The following PHACTR1 variants were observed in gnomAD, a reference collection of about 807,000 sequenced individuals.
PHACTR1 encodes phosphatase and actin regulator 1.
A neutral mutation model predicts 69.2 loss-of-function variants in PHACTR1; 16 were observed. That is an observed-to-expected ratio of 0.23 (90% confidence interval 0.16 to 0.35). The LOEUF (loss-of-function observed/expected upper bound fraction) is 0.35, where lower values mean the gene tolerates loss of function less well. PHACTR1 is among the 10% of genes least tolerant of loss of function. PHACTR1 has a pLI of 1.00. For missense variants in PHACTR1, 510 were observed against 734.7 expected (o/e 0.69, Z 3.54); for synonymous variants, 312 against 284.5 (o/e 1.10, Z -0.97).
chr6:12,932,938 T>C (rs1029857113), intron 4 of PHACTR1, among the ~76,000 whole-genome samples: 1 of 142,174 alleles, frequency 7.0e-6, no homozygotes, highest in East Asian at 1.9e-4. Context: ...CCAAATCTTT[T>C]TTTTTTTTTT....
At chr6:13,073,407 A>C (rs1298789664) in intron 5 of PHACTR1, among the ~76,000 whole-genome samples, 4 of 125,474 alleles carry the variant, frequency 3.2e-5, no homozygotes, top group Non-Finnish European at 6.3e-5. Flanking sequence ...GCAGTGGTAC[A>C]ATCTTGGCTC....
chr6:13,034,109 T>TG (rs1491229953), intron 4 of PHACTR1, among the ~76,000 whole-genome samples: 2 of 151,730 alleles, frequency 1.3e-5, no homozygotes, highest in South Asian at 2.1e-4. Flanking sequence ...CTCCGCCCCC[T>TG]GGGGTTCACG....
chr6:13,263,567 A>G (rs1776219103), intron 10 of PHACTR1, among the ~76,000 whole-genome samples: 1 of 152,210 alleles, frequency 6.6e-6, no homozygotes, highest in Non-Finnish European at 1.5e-5. Flanking sequence ...TATAGTAGCA[A>G]AGCTACTTAA....
intron 4 of PHACTR1, among the ~76,000 whole-genome samples, chr6:12,925,411 C>T (rs1225240310): frequency 6.6e-6 from 1 of 152,182 alleles, no homozygotes; most frequent in Non-Finnish European, 1.5e-5. Context: ...TTTCATATGA[C>T]ATACACACAA....
chr6:12,951,674 G>C (rs920975126), intron 4 of PHACTR1, among the ~76,000 whole-genome samples: 3 of 152,224 alleles, frequency 2.0e-5, no homozygotes, highest in Admixed American at 2.0e-4. Flanking sequence ...GGCTTTTTCA[G>C]AAATCAGCTT....
intron 4 of PHACTR1, among the ~76,000 whole-genome samples, chr6:13,046,348 G>A (rs74381331): frequency 3.9e-5 from 6 of 152,282 alleles, no homozygotes; most frequent in Non-Finnish European, 8.8e-5. Context: ...TTAGTTAAAT[G>A]TTGCTGTCTC....
chr6:13,141,915 G>A (rs1009673290), intron 5 of PHACTR1, among the ~76,000 whole-genome samples: 1 of 152,010 alleles, frequency 6.6e-6, no homozygotes, highest in East Asian at 1.9e-4. Flanking sequence ...TGAGGATAAT[G>A]GATATTTTCC....
rs527552667 is a variant in PHACTR1, at chr6:12,914,016, T to C, written c.251-139349T>C. ...AAGGAGTCTTGCTGTGTTGCCAGGCTGGAGTGCAGTGGCGCAATTTCAGCT... is the reference window on the plus strand; with the variant it reads ...AAGGAGTCTTGCTGTGTTGCCAGGCCGGAGTGCAGTGGCGCAATTTCAGCT... On this transcript the variant is annotated intron_variant, in intron 4 of 14. Coordinates refer to ENST00000332995, the MANE Select transcript of PHACTR1 (RefSeq NM_030948.6). 6.6e-5 allele frequency among the ~76,000 whole-genome samples: 10 copies of C among 152,358 alleles called. No individual in the cohort carries two copies. In the South Asian group the frequency reaches 8.3e-4, roughly 13 times the overall value.
At chr6:12,833,664 G>A (rs554811544) in intron 4 of PHACTR1, among the ~76,000 whole-genome samples, 2 of 152,212 alleles carry the variant, frequency 1.3e-5, no homozygotes, top group East Asian at 3.9e-4. Flanking sequence ...GTTATTTACT[G>A]GTCTCCTGCT....
intron 4 of PHACTR1, among the ~76,000 whole-genome samples, chr6:12,896,141 C>A (rs1258213350): frequency 6.6e-6 from 1 of 152,188 alleles, no homozygotes; most frequent in South Asian, 2.1e-4. Flanking sequence ...AGACAACATG[C>A]CAATACCACA....
At chr6:12,800,099 C>T (rs1581805813) in intron 4 of PHACTR1, among the ~76,000 whole-genome samples, 1 of 152,092 alleles carries the variant, frequency 6.6e-6, no homozygotes, top group African/African-American at 2.4e-5. Flanking sequence ...TCTCAAACTC[C>T]GTATTTATTT....
intron 5 of PHACTR1, among the ~76,000 whole-genome samples, chr6:13,072,670 CA>C (rs1182389275): frequency 6.6e-6 from 1 of 152,226 alleles, no homozygotes; most frequent in Non-Finnish European, 1.5e-5. Flanking sequence ...AACCTTGCCA[CA>C]AACATGTATG....
At chr6:12,907,488 C>A (rs1400937942) in intron 4 of PHACTR1, among the ~76,000 whole-genome samples, 1 of 152,186 alleles carries the variant, frequency 6.6e-6, no homozygotes, top group African/African-American at 2.4e-5. Context: ...GAGCCTCTAA[C>A]AAGGTAGAAC....
At chr6:13,251,970 A>C (rs1264129834) in intron 10 of PHACTR1, among the ~76,000 whole-genome samples, 1 of 151,548 alleles carries the variant, frequency 6.6e-6, no homozygotes, top group Non-Finnish European at 1.5e-5. Context: ...TGGGAGGATC[A>C]CTTGAGCTCA....
intron 3 of PHACTR1, among the ~76,000 whole-genome samples, chr6:12,727,133 C>T (rs1441357776): frequency 6.6e-6 from 1 of 152,156 alleles, no homozygotes; most frequent in Non-Finnish European, 1.5e-5. Context: ...ACCATGCCTA[C>T]CCTCCTAACT....
At chr6:12,936,190 A>G (rs952067423) in intron 4 of PHACTR1, among the ~76,000 whole-genome samples, 1 of 152,144 alleles carries the variant, frequency 6.6e-6, no homozygotes, top group Admixed American at 6.6e-5. Context: ...GAAGAGTCTC[A>G]TTTTTCACTT....
chr6:12,980,610 G>A (rs1215671240), intron 4 of PHACTR1, among the ~76,000 whole-genome samples: 1 of 151,870 alleles, frequency 6.6e-6, no homozygotes, highest in African/African-American at 2.4e-5. Context: ...CAAGCAGAAT[G>A]ACTTCTATGT....
chr6:12,777,484 G>A (rs919703499), intron 4 of PHACTR1, among the ~76,000 whole-genome samples: 9 of 151,856 alleles, frequency 5.9e-5, no homozygotes, highest in African/African-American at 1.7e-4. Flanking sequence ...GAGAACATGC[G>A]TATTTCATTT....
In PHACTR1 at chr6:13,053,457, A is replaced by G; in HGVS notation, c.343A>G (p.Asn115Asp). 6.2e-7 allele frequency: 1 copy of G among 1,613,930 alleles called. No individual in the cohort carries two copies. Among genetic ancestry groups the G allele is most frequent in the Non-Finnish European group, 8.5e-7 (1 of 1,179,866 alleles). The change falls in exon 5 of 15, where the codon AAC (asparagine) becomes GAC (aspartate). Residue 115 changes from asparagine (N) to aspartate (D), a missense_variant. Physicochemically the swap from Asn to Asp is conservative, Grantham distance 23. This residue lies in a region of PHACTR1 where 419 missense variants were observed against 530.9 expected (regional missense o/e 0.79). Transcript: ENST00000332995. Reference protein sequence around the residue: ...PPIRRRSKFANLGRIFKPWKW... With the variant: ...PPIRRRSKFADLGRIFKPWKW... ...CATCCGCAGGAGAAGTAAGTTTGCCAACCTGGGAAGGATTTTCAAGCCTTG... is the reference window on the plus strand; with the variant it reads ...CATCCGCAGGAGAAGTAAGTTTGCCGACCTGGGAAGGATTTTCAAGCCTTG...
Sources: gnomAD v4.1 joint callset for allele counts (sites outside exome capture counted in the v4.1 genomes callset) on GRCh38, gnomAD v4.1.1 for gene constraint, gnomAD v4.1.1 regional missense constraint, MANE v1.5 for transcripts, NCBI Gene and HGNC (gene_info 2026-07-23, HGNC 2026-07-21) for gene names.